Variants in CACNA1A observed in about 807,000 individuals in gnomAD.
CACNA1A encodes the protein calcium voltage-gated channel subunit alpha1 A.
In CACNA1A, 57 loss-of-function variants were observed where a neutral mutation model predicts 262.4. The ratio of observed to expected loss-of-function variants is 0.22; its 90% CI spans 0.18 to 0.27. The LOEUF is 0.27. Among genes scored for constraint, CACNA1A ranks in the 10% least tolerant of loss-of-function variants. CACNA1A has a pLI of 1.00. For synonymous variants in CACNA1A, 1,431 were observed against 1,419.3 expected (o/e 1.01, Z -0.18); for missense variants, 2,526 against 3,562.8 (o/e 0.71, Z 7.41).
intron 1 of CACNA1A, among the ~76,000 whole-genome samples, chr19:13,482,848 TTGTGTG>T (rs34754803): frequency 0.1 from 13,427 of 133,890 alleles, 835 homozygotes; most frequent in East Asian, 0.32. Context: ...TTCTCTCAAC[TTGTGTG>T]TGTGTGTGTG....
intron 3 of CACNA1A, among the ~76,000 whole-genome samples, chr19:13,404,903 ATAT>A (rs1428973486): frequency 6.6e-6 from 1 of 152,102 alleles, no homozygotes; most frequent in Non-Finnish European, 1.5e-5. Context: ...ATTATTACTC[ATAT>A]TATTATTTGA....
rs372281768 is a variant in CACNA1A at position 13,409,764 on chromosome 19, G to A, written c.540-37985C>T. On this transcript the variant is annotated intron_variant, in intron 3 of 46. Coordinates refer to ENST00000360228, the MANE Select transcript of CACNA1A (RefSeq NM_001127222.2). ...TTGCCATGTTGCTTAGGCTGATCTC[G>A]AACTCCTGATTCAAGCTCAGAAGTG... 1.6e-4 allele frequency among the ~76,000 whole-genome samples: 24 copies of A among 152,044 alleles called. 1 individual carries two copies. The South Asian group carries it at 5.0e-3, about 32-fold the overall frequency.
At chr19:13,406,933 TCACACACACACAAA>T (rs1011934594) in intron 3 of CACNA1A, among the ~76,000 whole-genome samples, 29 of 151,500 alleles carry the variant, frequency 1.9e-4, no homozygotes, top group African/African-American at 6.8e-4. Flanking sequence ...ACAAGCACAT[TCACACACACACAAA>T]CACACACACA....
At chr19:13,310,473 A>ATATATATATATAT (rs2058001154) in intron 12 of CACNA1A, among the ~76,000 whole-genome samples, 1 of 42,394 alleles carries the variant, frequency 2.4e-5, no homozygotes, top group African/African-American at 1.3e-4. Flanking sequence ...AAAAAAAAAA[A>ATATATATATATAT]AAAAAAAAAA....
rs115447563 is a variant in CACNA1A at position 13,452,865 on chromosome 19, G to A, written c.539+11C>T. 8.7e-6 allele frequency: 14 copies of A among 1,612,600 alleles called. No homozygotes were observed. Among genetic ancestry groups the A allele is most frequent in the East Asian group, 4.5e-5 (2 of 44,864 alleles). On this transcript the variant is annotated intron_variant, in intron 3 of 46. Transcript: ENST00000360228. Reference sequence around the variant, plus strand: ...TAGTTAAATCCAAAGCGTATAGCACGCGCCACTTACCCCGTTAGCACCACC... The same window carrying A: ...TAGTTAAATCCAAAGCGTATAGCACACGCCACTTACCCCGTTAGCACCACC...
Position 13,262,744 on chromosome 19 carries a change from G to A in CACNA1A, c.4079C>T (p.Pro1360Leu). 1 of 1,606,908 alleles carries A rather than the reference G, an allele frequency of 6.2e-7. No homozygotes were observed. Among genetic ancestry groups the A allele is most frequent in the Non-Finnish European group, 8.5e-7 (1 of 1,174,078 alleles). ...LRPLKTIKRL[P>L]KLKAVFDCVV... ...ATCTCCCAATCTCACCTTGAGCTTT[G>A]GCAGCCGCTTGATGGTTTTAAGAGG... The change falls in exon 25 of 47, where the codon CCA becomes CTA. Residue 1360 changes from proline (P) to leucine (L), a missense_variant. This residue lies in a region of CACNA1A where 137 missense variants were observed against 377.7 expected (regional missense o/e 0.36). Coordinates refer to ENST00000360228, the MANE Select transcript of CACNA1A (RefSeq NM_001127222.2).
intron 3 of CACNA1A, among the ~76,000 whole-genome samples, chr19:13,432,764 G>A (rs1051921439): frequency 9.2e-5 from 14 of 151,732 alleles, no homozygotes; most frequent in Non-Finnish European, 1.0e-4. Context: ...ATGCGATGTA[G>A]TGGATATGTT....
intron 3 of CACNA1A, among the ~76,000 whole-genome samples, chr19:13,373,788 C>A (rs536489921): frequency 3.2e-4 from 49 of 152,322 alleles, no homozygotes; most frequent in African/African-American, 9.6e-4. Flanking sequence ...TTGGGCTGAC[C>A]TTTTCCACCA....
chr19:13,434,752 T>C (rs1234848886), intron 3 of CACNA1A, among the ~76,000 whole-genome samples: 1 of 152,134 alleles, frequency 6.6e-6, no homozygotes, highest in East Asian at 1.9e-4. Flanking sequence ...ACCTCTTTTC[T>C]TTATAAATTA....
At chr19:13,479,098 C>T (rs1248341219) in intron 1 of CACNA1A, among the ~76,000 whole-genome samples, 6 of 152,158 alleles carry the variant, frequency 3.9e-5, no homozygotes, top group African/African-American at 1.2e-4. Context: ...CACTTGAATC[C>T]GGGAGGTGGA....
intron 9 of CACNA1A, 55 bp downstream of exon 9, chr19:13,332,814 C>G: frequency 8.2e-7 from 1 of 1,220,468 alleles, no homozygotes; most frequent in Non-Finnish European, 1.2e-6. Flanking sequence ...CTCCCCACCA[C>G]AGCTTCTCCC....
intron 18 of CACNA1A, among the ~76,000 whole-genome samples, chr19:13,300,279 G>T (rs1438238924): frequency 6.6e-6 from 1 of 151,928 alleles, no homozygotes; most frequent in Non-Finnish European, 1.5e-5. Context: ...CTAATTTATT[G>T]ACTCCTTCCC....
At chr19:13,285,422 GAAGTA>G (rs1474943368) in intron 20 of CACNA1A, among the ~76,000 whole-genome samples, 1 of 152,148 alleles carries the variant, frequency 6.6e-6, no homozygotes, top group Non-Finnish European at 1.5e-5. Flanking sequence ...GAGGCACAGA[GAAGTA>G]AAGTGACTTG....
At chr19:13,385,024 A>G (rs2059585526) in intron 3 of CACNA1A, among the ~76,000 whole-genome samples, 2 of 152,092 alleles carry the variant, frequency 1.3e-5, no homozygotes, top group African/African-American at 4.8e-5. Flanking sequence ...TAAAGTAACC[A>G]CTAGCCACAC....
Position 13,208,747 on chromosome 19 carries a change from C to T in CACNA1A, c.6780+9G>A, listed in dbSNP as rs763812565. 45 of 1,569,620 alleles carry T rather than the reference C, an allele frequency of 2.9e-5. No homozygotes were observed. The highest frequency in any genetic ancestry group is 2.3e-4 in the Middle Eastern group (1 of 4,366). On this transcript the variant is annotated intron_variant, in intron 46 of 46. Coordinates refer to ENST00000360228, the MANE Select transcript of CACNA1A (RefSeq NM_001127222.2). ...AGCCCAGCCTGGGGTCACTTGCAGC[C>T]GCACCCACCTGCCGGTGCGCCATGT...
At chr19:13,346,629 TA>T (rs2058770234) in intron 6 of CACNA1A, among the ~76,000 whole-genome samples, 1 of 3,818 alleles carries the variant, frequency 2.6e-4, no homozygotes, top group Non-Finnish European at 4.8e-4. Context: ...TATATATATA[TA>T]TATATATATA....
chr19:13,385,342 G>T (rs2059592880), intron 3 of CACNA1A, among the ~76,000 whole-genome samples: 1 of 150,064 alleles, frequency 6.7e-6, no homozygotes, highest in Admixed American at 6.7e-5. Context: ...CGATTCTCCT[G>T]CCTCAGCCTC....
chr19:13,262,894 G>A (rs1430215147), intron 24 of CACNA1A, 61 bp from the exon 25 acceptor site: 3 of 1,175,438 alleles, frequency 2.6e-6, no homozygotes. Context: ...AGGTTGGGTA[G>A]GGGGCAGCCC....
chr19:13,293,969 A>G (rs554408134), intron 19 of CACNA1A, among the ~76,000 whole-genome samples: 1 of 152,264 alleles, frequency 6.6e-6, no homozygotes, highest in Non-Finnish European at 1.5e-5. Flanking sequence ...TTGTCTTTCA[A>G]AAACTCTTCC....
Sources: gnomAD v4.1 joint callset for allele counts (sites outside exome capture counted in the v4.1 genomes callset) on GRCh38, gnomAD v4.1.1 for gene constraint, gnomAD v4.1.1 regional missense constraint, MANE v1.5 for transcripts, NCBI Gene and HGNC (gene_info 2026-07-23, HGNC 2026-07-21) for gene names.